PLD5: variants seen among roughly 807,000 people sequenced by gnomAD.
PLD5 encodes inactive phospholipase D5.
Under a neutral mutation model 61.1 loss-of-function variants are expected in PLD5, and 36 were observed. The observed-to-expected ratio is 0.59, with a 90% CI of 0.45 to 0.78. The LOEUF (loss-of-function observed/expected upper bound fraction) is 0.78, where lower values mean the gene tolerates loss of function less well. Among genes scored for constraint, PLD5 ranks in the 30% least tolerant of loss-of-function variants. The probability of loss-of-function intolerance (pLI) is 0.00; values close to 1 mark genes in which losing one functional copy is unlikely to be tolerated. For synonymous variants in PLD5, 243 were observed against 242.8 expected, an observed-to-expected ratio of 1.00 and a Z score of -0.01; for missense variants, 515 against 644.4, an observed-to-expected ratio of 0.80 and a Z score of 2.17.
At chr1:242,263,139 G>C (rs988165968) in intron 4 of PLD5, among the ~76,000 whole-genome samples, 39 of 152,278 alleles carry the variant, frequency 2.6e-4, no homozygotes, top group South Asian at 8.3e-4. Context: ...TCTCCAGCCT[G>C]CCTGGCCTTT....
At chr1:242,389,960 C>G (rs1662829491) in intron 1 of PLD5, among the ~76,000 whole-genome samples, 1 of 151,622 alleles carries the variant, frequency 6.6e-6, no homozygotes, top group African/African-American at 2.4e-5. Context: ...TTTACTATTG[C>G]CAGAGTGTAC....
chr1:242,488,565 A>G (rs974351551), intron 1 of PLD5, among the ~76,000 whole-genome samples: 2 of 152,228 alleles, frequency 1.3e-5, no homozygotes, highest in African/African-American at 4.8e-5. Context: ...AATACTGATC[A>G]TTAGTGGCCA....
chr1:242,264,462 G>T lies in PLD5; in HGVS notation c.607+875C>A, dbSNP rs1226632260. On this transcript the variant is annotated intron_variant, in intron 4 of 9. Coordinates refer to ENST00000536534, the MANE Select transcript of PLD5 (RefSeq NM_001372062.1). ...TTCTTCAGGAGGAAGGGCCGCTGGG[G>T]CTCACTTATTTGATTCCTGTTCTGT... 2.6e-5 allele frequency among the ~76,000 whole-genome samples: 4 copies of T among 152,252 alleles called. No homozygotes were observed. In the Middle Eastern group the frequency reaches 0.01, roughly 388 times the overall value.
chr1:242,525,875 T>C (rs1342346384), upstream of PLD5, among the ~76,000 whole-genome samples: 1 of 152,230 alleles, frequency 6.6e-6, no homozygotes, highest in Non-Finnish European at 1.5e-5. Context: ...AATAAAATCC[T>C]GTGCACATTC....
chr1:242,122,196 C>T (rs1240141362), intron 6 of PLD5, among the ~76,000 whole-genome samples: 1 of 152,068 alleles, frequency 6.6e-6, no homozygotes, highest in Non-Finnish European at 1.5e-5. Flanking sequence ...ATGAATTTGC[C>T]CTAGAAAATA....
At chr1:242,518,878 A>T (rs1669189157) in intron 1 of PLD5, among the ~76,000 whole-genome samples, 1 of 152,178 alleles carries the variant, frequency 6.6e-6, no homozygotes, top group Non-Finnish European at 1.5e-5. Flanking sequence ...TAGTGGGTAG[A>T]TATATGTCGA....
At chr1:242,201,491 G>T (rs1668986341) in intron 5 of PLD5, among the ~76,000 whole-genome samples, 1 of 151,928 alleles carries the variant, frequency 6.6e-6, no homozygotes, top group Non-Finnish European at 1.5e-5. Context: ...AGACTCAGAG[G>T]GATCCAGTGA....
At chr1:242,476,400 C>T (rs1018721441) in intron 1 of PLD5, among the ~76,000 whole-genome samples, 2 of 151,712 alleles carry the variant, frequency 1.3e-5, no homozygotes, top group African/African-American at 2.4e-5. Flanking sequence ...CCAAATGGAG[C>T]GTTTAGTAAG....
At chr1:242,186,191 TTTC>T (rs1397739247) in intron 5 of PLD5, among the ~76,000 whole-genome samples, 1 of 152,102 alleles carries the variant, frequency 6.6e-6, no homozygotes, top group Non-Finnish European at 1.5e-5. Flanking sequence ...TACTTTTTTT[TTTC>T]TTTTTTGAGA....
intron 1 of PLD5, among the ~76,000 whole-genome samples, chr1:242,447,011 G>C (rs1239943742): frequency 1.3e-5 from 2 of 152,114 alleles, no homozygotes; most frequent in Non-Finnish European, 2.9e-5. Context: ...TGCAACAGGG[G>C]TAGTCATTTT....
At chr1:242,400,790 C>A (rs1326517366) in intron 1 of PLD5, among the ~76,000 whole-genome samples, 1 of 151,998 alleles carries the variant, frequency 6.6e-6, no homozygotes. Flanking sequence ...GCTTTCTCTG[C>A]ACATGGGACA....
intron 6 of PLD5, among the ~76,000 whole-genome samples, chr1:242,115,917 T>C (rs1440286010): frequency 6.6e-6 from 1 of 152,172 alleles, no homozygotes; most frequent in African/African-American, 2.4e-5. Context: ...AAAAATATGG[T>C]GTTTGTAGAT....
intron 1 of PLD5, among the ~76,000 whole-genome samples, chr1:242,372,492 C>G (rs2196827): frequency 2.0e-5 from 3 of 152,154 alleles, no homozygotes; most frequent in Admixed American, 2.0e-4. Context: ...CAAGTCAATC[C>G]TAAGCCAAAA....
intron 5 of PLD5, among the ~76,000 whole-genome samples, chr1:242,157,431 G>C (rs1199437695): frequency 6.6e-6 from 1 of 152,190 alleles, no homozygotes; most frequent in African/African-American, 2.4e-5. Flanking sequence ...GAGGAGAAGA[G>C]GTGTTCTGGT....
chr1:242,142,415 A>G (rs1664233355), intron 5 of PLD5, among the ~76,000 whole-genome samples: 1 of 152,218 alleles, frequency 6.6e-6, no homozygotes. Flanking sequence ...TATCTGACTT[A>G]CATGTGGCCT....
At chr1:242,225,965 A>C (rs1381168022) in intron 4 of PLD5, among the ~76,000 whole-genome samples, 1 of 152,196 alleles carries the variant, frequency 6.6e-6, no homozygotes. Context: ...CTGTTTACCC[A>C]AAGCGTCTGT....
Position 242,392,479 on chromosome 1 carries a change from C to T in PLD5, c.190-44237G>A, listed in dbSNP as rs191106657. ...GTGTGTGACAGCTTCCTGATGGTGC[C>T]GACTGTGGCTTCTCCTGCTGACCTG... On this transcript the variant is annotated intron_variant, in intron 1 of 9. Transcript: ENST00000536534. 9.4e-4 allele frequency among the ~76,000 whole-genome samples: 143 copies of T among 152,250 alleles called. 1 individual carries two copies. The highest frequency in any genetic ancestry group is 2.6e-3 in the African/African-American group (106 of 41,550).
Position 242,364,984 on chromosome 1 carries a change from AAAG to A in PLD5, c.190-16745_190-16743del, listed in dbSNP as rs1334773147. On this transcript the variant is annotated intron_variant, in intron 1 of 9. Coordinates refer to ENST00000536534, the MANE Select transcript of PLD5 (RefSeq NM_001372062.1). The stretch of plus-strand genomic sequence containing the variant: ...AGCAATACAGATAAGGAAAAAAAAA[AAAG>A]AGAAGATACAAATTCCAAATATCTC... 5.9e-5 allele frequency among the ~76,000 whole-genome samples: 9 copies of A among 152,200 alleles called. No individual in the cohort carries two copies. The East Asian group carries it at 1.7e-3, about 29-fold the overall frequency.
intron 1 of PLD5, among the ~76,000 whole-genome samples, chr1:242,448,792 C>A (rs1666656848): frequency 6.6e-6 from 1 of 152,192 alleles, no homozygotes; most frequent in East Asian, 1.9e-4. Context: ...ATCGTTCTTT[C>A]TTTGAAAACT....
Sources: allele counts gnomAD v4.1 joint callset (sites outside exome capture counted in the v4.1 genomes callset), GRCh38; gene constraint gnomAD v4.1.1; transcripts MANE v1.5; gene names NCBI Gene and HGNC (gene_info 2026-07-23, HGNC 2026-07-21).